The following SRRM3 variants were observed in gnomAD, a reference collection of about 807,000 sequenced individuals.
SRRM3 encodes the protein serine/arginine repetitive matrix 3.
Under a neutral mutation model 66.2 loss-of-function variants are expected in SRRM3, and 27 were observed. The observed-to-expected ratio is 0.41, with a 90% CI of 0.30 to 0.56. The LOEUF is 0.56. Ranked by LOEUF, SRRM3 falls within the 20% of genes least tolerant of loss-of-function variation. SRRM3 has a pLI of 0.32. For synonymous variants in SRRM3, 391 were observed against 414.9 expected, an observed-to-expected ratio of 0.94 and a Z score of 0.70; for missense variants, 918 against 991.9, an observed-to-expected ratio of 0.93 and a Z score of 1.00.
rs928586707 is a variant in SRRM3, at chr7:76,264,878, C to A, written c.725+63C>A. ...CTCCCTCCCGCCCCAGCAAACTACG[C>A]CTTTTAGAATCACAGAATCAGGCCA... On this transcript the variant is annotated intron_variant, in intron 9 of 14. Transcript: ENST00000611745. 6.5e-6 allele frequency: 10 copies of A among 1,546,536 alleles called. 1 individual carries two copies. Among genetic ancestry groups the A allele is most frequent in the Admixed American group, 1.8e-5 (1 of 56,256 alleles).
intron 10 of SRRM3, among the ~76,000 whole-genome samples, chr7:76,265,785 T>C (rs1801997100): frequency 7.9e-6 from 1 of 127,118 alleles, no homozygotes; most frequent in Non-Finnish European, 1.6e-5. Context: ...TTATATATAT[T>C]TATATATTTA....
chr7:76,215,551 A>C (rs190355801), intron 1 of SRRM3, among the ~76,000 whole-genome samples: 1 of 150,718 alleles, frequency 6.6e-6, no homozygotes, highest in Non-Finnish European at 1.5e-5. Context: ...ACAGGCGTGC[A>C]CTACTACACT....
At position 76,261,537 on chromosome 7, in the gene SRRM3, G is replaced by A. The variant is rs782696717; in HGVS notation, c.639-9G>A. ...GCAGGCTCAAGAGAACTCCTTTATC[G>A]CCCTACAGGTCTGATTCTGGGTCCC... On this transcript the variant is annotated splice_polypyrimidine_tract_variant and intron_variant, in intron 7 of 14. Coordinates refer to ENST00000611745, the MANE Select transcript of SRRM3 (RefSeq NM_001110199.3). The A allele has an allele frequency of 1.2e-5, 19 of 1,611,068 alleles. No homozygotes were observed. The highest frequency in any genetic ancestry group is 5.0e-5 in the Admixed American group (3 of 59,586).
chr7:76,261,442 C>T, intron 7 of SRRM3, 28 bp downstream of exon 7: 1 of 1,600,566 alleles, frequency 6.2e-7, no homozygotes, highest in Non-Finnish European at 8.5e-7. Flanking sequence ...ACCCTGGGGC[C>T]TCCTCTTCCT....
chr7:76,233,794 C>T (rs1583889741), intron 1 of SRRM3, among the ~76,000 whole-genome samples: 1 of 152,130 alleles, frequency 6.6e-6, no homozygotes, highest in African/African-American at 2.4e-5. Flanking sequence ...GCACTTGGGA[C>T]TCAGGGGGAA....
At chr7:76,269,624 T>C (rs1554610250) in intron 11 of SRRM3, 1 of 152,106 alleles carries the variant, frequency 6.6e-6, no homozygotes, top group East Asian at 1.9e-4. Flanking sequence ...TCTATGTTTT[T>C]GTTTGTTTTT....
At chr7:76,262,079 G>A (rs1292953747) in intron 8 of SRRM3, among the ~76,000 whole-genome samples, 1 of 151,964 alleles carries the variant, frequency 6.6e-6, no homozygotes, top group African/African-American at 2.4e-5. Flanking sequence ...AGGAGGGCTG[G>A]GGGTTAGTGT....
chr7:76,278,780 TGA>T (rs1802425708), intron 11 of SRRM3, among the ~76,000 whole-genome samples: 1 of 152,220 alleles, frequency 6.6e-6, no homozygotes, highest in Non-Finnish European at 1.5e-5. Flanking sequence ...CCAATGAGGT[TGA>T]CCTCCTGGGT....
chr7:76,265,646 G>C (rs1226304126), intron 10 of SRRM3, among the ~76,000 whole-genome samples, 178 bp downstream of exon 10: 2 of 150,962 alleles, frequency 1.3e-5, no homozygotes, highest in Non-Finnish European at 2.9e-5. Flanking sequence ...ACTTTGGGAG[G>C]CCAAGGCAGA....
intron 11 of SRRM3, 42 bp from the exon 12 acceptor site, chr7:76,281,399 C>T (rs1802501602): frequency 1.0e-5 from 12 of 1,200,138 alleles, no homozygotes; most frequent in Non-Finnish European, 1.3e-5. Flanking sequence ...CTCTCGTCTC[C>T]CTCTCCCCCC....
intron 3 of SRRM3, among the ~76,000 whole-genome samples, chr7:76,255,148 C>CTTTCTTTCTTTTTTTTT (rs1447372520): frequency 1.2e-5 from 1 of 83,178 alleles, no homozygotes; most frequent in Non-Finnish European, 2.0e-5. Context: ...TTCTTTCTTT[C>CTTTCTTTCTTTTTTTTT]TTTTTTTTTT....
At chr7:76,229,808 A>T (rs1325143503) in intron 1 of SRRM3, among the ~76,000 whole-genome samples, 1 of 140,764 alleles carries the variant, frequency 7.1e-6, no homozygotes, top group Non-Finnish European at 1.5e-5. Flanking sequence ...CAGTGGTGCG[A>T]TCTCGGCTCA....
intron 1 of SRRM3, among the ~76,000 whole-genome samples, chr7:76,222,922 C>G (rs1800762694): frequency 6.6e-6 from 1 of 152,100 alleles, no homozygotes; most frequent in African/African-American, 2.4e-5. Flanking sequence ...AGCTTCAAGT[C>G]CATGCTTTTC....
In SRRM3 at chr7:76,282,872, G is replaced by A. The variant is rs1802563702; in HGVS notation, c.1595G>A (p.Arg532Gln). 7.0e-7 allele frequency: 1 copy of A among 1,433,356 alleles called. No individual in the cohort carries two copies. Among genetic ancestry groups the A allele is most frequent in the Non-Finnish European group, 9.1e-7 (1 of 1,097,254 alleles). 88.8% of individuals were successfully genotyped at this position (1,433,356 alleles called of 1,614,324 possible). A position where few individuals can be genotyped will look rare whatever the true frequency, so the allele number is the denominator to read the frequency against. The part of the protein sequence containing the change: ...RSPSPKKPLS[R>Q]DKDGEGRARH... ...CCGTCGCCCAAGAAGCCCCTCAGCC[G>A]GTGAGTGCCCGCCCGGACCGGGCCG... The change falls in exon 13 of 15, where the codon CGG (arginine) becomes CAG (glutamine). Residue 532 changes from arginine to glutamine, a missense_variant and splice_region_variant. Physicochemically the swap from Arg to Gln is conservative, Grantham distance 43. Coordinates refer to ENST00000611745, the MANE Select transcript of SRRM3 (RefSeq NM_001110199.3).
intron 14 of SRRM3, 150 bp downstream of exon 14, chr7:76,283,251 C>G: frequency 1.0e-6 from 1 of 963,192 alleles, no homozygotes; most frequent in Non-Finnish European, 1.4e-6. Flanking sequence ...TGAGTGGGTT[C>G]TGCCAGGGTA....
intron 5 of SRRM3, 147 bp downstream of exon 5, chr7:76,260,344 C>CT (rs1370723965): frequency 7.4e-5 from 44 of 595,380 alleles, no homozygotes; most frequent in Non-Finnish European, 1.1e-4. Context: ...CGTCCCCCGA[C>CT]TAGGTGCCCT....
At chr7:76,219,165 C>A (rs1209251063) in intron 1 of SRRM3, among the ~76,000 whole-genome samples, 2 of 152,136 alleles carry the variant, frequency 1.3e-5, no homozygotes, top group Non-Finnish European at 2.9e-5. Context: ...CTTTCAGTAG[C>A]CAGTGTTGCT....
At position 76,265,381 on chromosome 7, in the gene SRRM3, C is replaced by G. The variant is rs545251939; in HGVS notation, c.743C>G (p.Pro248Arg). 1 of 1,599,836 alleles carries G rather than the reference C, an allele frequency of 6.3e-7. No homozygotes were observed. The highest frequency in any genetic ancestry group is 1.1e-5 in the South Asian group (1 of 88,184). Residue 248 changes from proline (P) to arginine (R), a missense_variant, in exon 10 of 15, where the codon CCA (proline) becomes CGA (arginine). Coordinates refer to ENST00000611745, the MANE Select transcript of SRRM3 (RefSeq NM_001110199.3). ...CACGCCAGGCCTCACACAGAGTCCC[C>G]AGGCCGGAGGTCTCATCGCCATAGC... ...KEKKRPHTES[P>R]GRRSHRHSSG... is the part of the protein sequence containing the mutation.
rs1243060650 is a variant in SRRM3 at position 76,219,895 on chromosome 7, G to A, written c.-39-15133G>A. Among the ~76,000 whole-genome samples the A allele has an allele frequency of 3.9e-5, 6 of 152,182 alleles. 1 individual carries two copies. The East Asian group carries it at 1.2e-3, about 29-fold the overall frequency. On this transcript the variant is annotated intron_variant, in intron 1 of 14. Transcript: ENST00000611745. The stretch of plus-strand genomic sequence containing the variant: ...ACTGCACTCCAGCCTGGACAACACA[G>A]CGAGATACTGTCTCAAAAACAAACA...
Sources: gnomAD v4.1 joint callset for allele counts (sites outside exome capture counted in the v4.1 genomes callset) on GRCh38, gnomAD v4.1.1 for gene constraint, MANE v1.5 for transcripts, NCBI Gene and HGNC (gene_info 2026-07-23, HGNC 2026-07-21) for gene names.